Variants in OR51B5 observed in about 807,000 individuals in gnomAD.
The protein encoded by OR51B5 is olfactory receptor 51B5.
For missense variants in OR51B5, 456 were observed against 374.6 expected (o/e 1.22, Z -1.79); for synonymous variants, 186 against 144.8 (o/e 1.28, Z -2.04).
intron 1 of OR51B5, among the ~76,000 whole-genome samples, chr11:5,414,306 C>T (rs61894081): frequency 3.3e-4 from 49 of 147,642 alleles, no homozygotes; most frequent in African/African-American, 8.1e-4. Context: ...AAGGAACAAC[C>T]GGTACCAGCC....
At chr11:5,466,213 ATATTT>A (rs1851136988) in intron 1 of OR51B5, among the ~76,000 whole-genome samples, 1 of 152,216 alleles carries the variant, frequency 6.6e-6, no homozygotes, top group Non-Finnish European at 1.5e-5. Flanking sequence ...TTGAACAAAT[ATATTT>A]TATTTCATAA....
At chr11:5,413,705 A>C (rs1850187769) in intron 1 of OR51B5, among the ~76,000 whole-genome samples, 1 of 152,218 alleles carries the variant, frequency 6.6e-6, no homozygotes, top group Admixed American at 6.5e-5. Context: ...GAAATGAATG[A>C]AATGAAGCAA....
intron 1 of OR51B5, among the ~76,000 whole-genome samples, chr11:5,462,078 T>G (rs1263108660): frequency 6.6e-6 from 1 of 152,192 alleles, no homozygotes; most frequent in Non-Finnish European, 1.5e-5. Flanking sequence ...AATCAAATAC[T>G]GAACATAGGT....
At chr11:5,400,683 T>C (rs1025173806) in intron 1 of OR51B5, among the ~76,000 whole-genome samples, 4 of 152,336 alleles carry the variant, frequency 2.6e-5, no homozygotes, top group African/African-American at 9.6e-5. Context: ...GACGACTGTA[T>C]TTGAATATCT....
chr11:5,408,232 C>T (rs1355935332), intron 1 of OR51B5, among the ~76,000 whole-genome samples: 1 of 152,100 alleles, frequency 6.6e-6, no homozygotes, highest in Non-Finnish European at 1.5e-5. Flanking sequence ...CAGTCCCTTC[C>T]TCATCCTTTA....
intron 1 of OR51B5, among the ~76,000 whole-genome samples, chr11:5,459,808 G>A (rs780270364): frequency 7.2e-5 from 11 of 152,172 alleles, no homozygotes; most frequent in Non-Finnish European, 1.0e-4. Flanking sequence ...CAACCATTGT[G>A]GAAAGCAGTG....
At position 5,447,339 on chromosome 11, in the gene OR51B5, A is replaced by C. The variant is rs568597486; in HGVS notation, n.84+58230T>G. ...CTCCCCTGCCTCAGACAGAGTCTCTAGTGTGAGCTGCATCTCTTCTATGGT... is the reference window on the plus strand; with the variant it reads ...CTCCCCTGCCTCAGACAGAGTCTCTCGTGTGAGCTGCATCTCTTCTATGGT... On this transcript the variant is annotated intron_variant and non_coding_transcript_variant, in intron 1 of 4. Transcript: ENST00000415970. 6.6e-5 allele frequency among the ~76,000 whole-genome samples: 10 copies of C among 152,240 alleles called. No homozygotes were observed. In the South Asian group the frequency reaches 1.9e-3, roughly 28 times the overall value.
chr11:5,490,705 A>C (rs1202654319), intron 1 of OR51B5, among the ~76,000 whole-genome samples: 1 of 152,188 alleles, frequency 6.6e-6, no homozygotes, highest in Non-Finnish European at 1.5e-5. Context: ...TATTGACAAT[A>C]TCTCATACAC....
intron 1 of OR51B5, chr11:5,468,621 C>T (rs1851175513): frequency 4.4e-6 from 2 of 455,028 alleles, no homozygotes; most frequent in South Asian, 3.1e-5. Flanking sequence ...GCATGCCTCC[C>T]AAATCGATGA....
intron 1 of OR51B5, among the ~76,000 whole-genome samples, chr11:5,374,578 C>T (rs1245255992): frequency 6.6e-6 from 1 of 151,978 alleles, no homozygotes; most frequent in Non-Finnish European, 1.5e-5. Flanking sequence ...AAGATAAAAA[C>T]TTTGAAAAAA....
At chr11:5,490,227 A>G (rs1301707884) in intron 1 of OR51B5, among the ~76,000 whole-genome samples, 1 of 152,244 alleles carries the variant, frequency 6.6e-6, no homozygotes, top group Non-Finnish European at 1.5e-5. Context: ...TGAGAAATAA[A>G]TAAGTTAGAA....
At position 5,500,605 on chromosome 11, in the gene OR51B5, C is replaced by T. The variant is rs142205616; in HGVS notation, n.84+4964G>A. The stretch of plus-strand genomic sequence containing the variant: ...ACACCTTGCAATTAAGCCGCTTCGA[C>T]GAGGACATCTTTCCAGTAATAGTCC... On this transcript the variant is annotated intron_variant and non_coding_transcript_variant, in intron 1 of 4. Transcript: ENST00000415970. Among the ~76,000 whole-genome samples the T allele has an allele frequency of 4.4e-4, 65 of 148,010 alleles. 4 individuals are homozygous for T. Among genetic ancestry groups the T allele is most frequent in the Middle Eastern group, 6.8e-3 (2 of 292 alleles).
At chr11:5,414,774 C>G (rs7119357) in intron 1 of OR51B5, among the ~76,000 whole-genome samples, 124,948 of 152,100 alleles carry the variant, frequency 0.82, 52,147 homozygotes, top group Non-Finnish European at 0.89. Flanking sequence ...GATTCATAAA[C>G]CAAGTCCTTA....
downstream of OR51B5, chr11:5,341,285 T>C (rs1008745742): frequency 6.6e-6 from 1 of 152,036 alleles, no homozygotes. Context: ...AGGGTCAGTA[T>C]TTGCCTATGG....
At chr11:5,374,239 T>A (rs1225716577) in intron 1 of OR51B5, among the ~76,000 whole-genome samples, 7 of 152,132 alleles carry the variant, frequency 4.6e-5, no homozygotes, top group Non-Finnish European at 8.8e-5. Context: ...AGTGGACCTC[T>A]AGCAAACTCC....
rs76904186 is a variant in OR51B5 at position 5,388,593 on chromosome 11, G to A, written n.85-41683C>T. Reference sequence around the variant, plus strand: ...AGAATTGTTTAGTGTCATTAACACCGTGAATATACAGAGGAAATTAGGATA... The same window carrying A: ...AGAATTGTTTAGTGTCATTAACACCATGAATATACAGAGGAAATTAGGATA... On this transcript the variant is annotated intron_variant and non_coding_transcript_variant, in intron 1 of 4. Coordinates refer to the OR51B5 transcript ENST00000415970. Among the ~76,000 whole-genome samples the A allele has an allele frequency of 5.9e-3, 875 of 148,778 alleles. 16 individuals carry two copies. The highest frequency in any genetic ancestry group is 0.021 in the African/African-American group (840 of 40,244).
chr11:5,357,005 C>A (rs1047346146), intron 1 of OR51B5, among the ~76,000 whole-genome samples: 2 of 152,110 alleles, frequency 1.3e-5, no homozygotes, highest in African/African-American at 4.8e-5. Context: ...ACAACCGGTA[C>A]CAGCCACTGC....
Position 5,487,551 on chromosome 11 carries a change from T to A in OR51B5, n.84+18018A>T, listed in dbSNP as rs77166935. On this transcript the variant is annotated intron_variant and non_coding_transcript_variant, in intron 1 of 4. Coordinates refer to the OR51B5 transcript ENST00000415970. ...GTTCAAAGTCACAAATCAATAATGT[T>A]ACAGAATCGGGGCTAAAATTCAGAT... Among the ~76,000 whole-genome samples, 150 of 152,302 alleles carry A rather than the reference T, an allele frequency of 9.8e-4. 3 individuals are homozygous for A. In the East Asian group the frequency reaches 0.026, roughly 26 times the overall value.
chr11:5,405,677 T>G (rs1472508178), intron 1 of OR51B5, among the ~76,000 whole-genome samples: 2 of 152,222 alleles, frequency 1.3e-5, no homozygotes, highest in Non-Finnish European at 2.9e-5. Context: ...TTAAACATTT[T>G]AAATAGTTTG....
Sources: allele counts gnomAD v4.1 joint callset (sites outside exome capture counted in the v4.1 genomes callset), GRCh38; gene constraint gnomAD v4.1.1; transcripts MANE v1.5; gene names NCBI Gene and HGNC (gene_info 2026-07-23, HGNC 2026-07-21).